The following NEDD4L variants were observed in gnomAD, a reference collection of about 807,000 sequenced individuals.
NEDD4L encodes E3 ubiquitin-protein ligase NEDD4-like.
A neutral mutation model predicts 148.9 loss-of-function variants in NEDD4L; 54 were observed. That is an observed-to-expected ratio of 0.36 (90% confidence interval 0.29 to 0.45). The LOEUF (loss-of-function observed/expected upper bound fraction) is 0.45, where lower values mean the gene tolerates loss of function less well. NEDD4L is among the 20% of genes least tolerant of loss of function. NEDD4L has a pLI of 1.00. For synonymous variants in NEDD4L, 433 were observed against 440.7 expected, an observed-to-expected ratio of 0.98 and a Z score of 0.22; for missense variants, 856 against 1,233.8, an observed-to-expected ratio of 0.69 and a Z score of 4.59.
intron 3 of NEDD4L, among the ~76,000 whole-genome samples, chr18:58,246,491 T>C (rs1017594399): frequency 2.0e-5 from 3 of 152,128 alleles, no homozygotes; most frequent in African/African-American, 7.2e-5. Context: ...TGAGATGGAG[T>C]GTCACTCTGT....
At chr18:58,386,036 CTTGATTGA>C (rs74183251) in intron 26 of NEDD4L, among the ~76,000 whole-genome samples, 16 of 150,502 alleles carry the variant, frequency 1.1e-4, no homozygotes, top group African/African-American at 3.2e-4. Context: ...GCTGCCTGGG[CTTGATTGA>C]TTGATTGATT....
At chr18:58,172,781 C>T (rs542470070) in intron 2 of NEDD4L, among the ~76,000 whole-genome samples, 81 of 152,222 alleles carry the variant, frequency 5.3e-4, no homozygotes, top group South Asian at 4.2e-4. Flanking sequence ...ATCATCAGCC[C>T]GAGATCAAAC....
At chr18:58,123,527 G>A (rs940196960) in intron 1 of NEDD4L, among the ~76,000 whole-genome samples, 10 of 151,956 alleles carry the variant, frequency 6.6e-5, no homozygotes, top group African/African-American at 2.2e-4. Flanking sequence ...GGAGACCCCC[G>A]CCCCGGTTGG....
In NEDD4L at chr18:58,357,145, G is replaced by C. The variant is rs770626640; in HGVS notation, c.1709-49G>C. 10 of 1,503,896 alleles carry C rather than the reference G, an allele frequency of 6.6e-6. No homozygotes were observed. In the African/African-American group the frequency reaches 9.8e-5, roughly 15 times the overall value. The allele number at this position is 1,503,896 out of a possible 1,614,324, so 93.2% of individuals were successfully genotyped here. ...TCCAAAACTTTCTTTACATAGAATA[G>C]ATTTGAACTAATGTTCTGATTTTTT... On this transcript the variant is annotated intron_variant, in intron 18 of 30. Coordinates refer to ENST00000400345, the MANE Select transcript of NEDD4L (RefSeq NM_001144967.3).
chr18:58,215,328 C>A (rs973043898), intron 2 of NEDD4L, among the ~76,000 whole-genome samples: 1 of 152,146 alleles, frequency 6.6e-6, no homozygotes, highest in East Asian at 1.9e-4. Context: ...TTTTCATCTT[C>A]GACATTATGG....
At chr18:58,312,768 C>T (rs2057848418) in intron 5 of NEDD4L, among the ~76,000 whole-genome samples, 1 of 152,232 alleles carries the variant, frequency 6.6e-6, no homozygotes, top group Non-Finnish European at 1.5e-5. Flanking sequence ...GCAACCTCCG[C>T]CTCCCGGGTT....
intron 5 of NEDD4L, chr18:58,255,312 G>GT (rs771686452): frequency 3.4e-4 from 62 of 180,528 alleles, no homozygotes; most frequent in Non-Finnish European, 5.5e-4. Flanking sequence ...GGCTCTTGCT[G>GT]TTTAAAAAAA....
At chr18:58,383,672 A>G (rs1370092354) in intron 25 of NEDD4L, among the ~76,000 whole-genome samples, 1 of 152,256 alleles carries the variant, frequency 6.6e-6, no homozygotes, top group African/African-American at 2.4e-5. Flanking sequence ...AAAATTAGGA[A>G]CCAACAAAGA....
chr18:58,171,388 G>A (rs577337), intron 2 of NEDD4L, among the ~76,000 whole-genome samples: 427 of 8,624 alleles, frequency 0.05, 8 homozygotes, highest in African/African-American at 0.086. Flanking sequence ...AAGGGGACAG[G>A]ACACTGCTGC....
In NEDD4L at chr18:58,366,040, T is replaced by C; in HGVS notation, c.1875T>C (p.Asn625=). 2 of 1,612,848 alleles carry C rather than the reference T, an allele frequency of 1.2e-6. No individual in the cohort carries two copies. Among genetic ancestry groups the C allele is most frequent in the Non-Finnish European group, 1.7e-6 (2 of 1,179,408 alleles). The change falls in exon 21 of 31, where the codon AAT becomes AAC. Residue 625 remains asparagine, a synonymous_variant. Coordinates refer to ENST00000400345, the MANE Select transcript of NEDD4L (RefSeq NM_001144967.3). The surrounding 1 kb of genome is among the most constrained non-coding windows in gnomAD (Gnocchi z 4.2). ...GGTTTGAAATGAAACTTCACAGAAA[T>C]AACATATTTGAAGAGTCCTATCGGA... ...PNRFEMKLHR[N]NIFEESYRRI...
At chr18:58,157,655 G>A (rs570001607) in intron 1 of NEDD4L, among the ~76,000 whole-genome samples, 47 of 152,114 alleles carry the variant, frequency 3.1e-4, no homozygotes, top group African/African-American at 1.1e-3. Context: ...ATGGTATCAG[G>A]TTCCATATTT....
intron 1 of NEDD4L, among the ~76,000 whole-genome samples, chr18:58,146,998 G>A (rs1385196268): frequency 1.3e-5 from 2 of 152,168 alleles, no homozygotes; most frequent in Admixed American, 6.5e-5. Context: ...TCAGGACTCC[G>A]AGCAGAGCTC....
chr18:58,094,146 T>C (rs2084235776), intron 1 of NEDD4L, among the ~76,000 whole-genome samples: 1 of 151,714 alleles, frequency 6.6e-6, no homozygotes, highest in South Asian at 2.1e-4. Flanking sequence ...TTGTGATTTC[T>C]CCTCCTGGGA....
intron 5 of NEDD4L, among the ~76,000 whole-genome samples, chr18:58,299,453 C>A (rs571846016): frequency 1.3e-5 from 2 of 152,284 alleles, no homozygotes; most frequent in East Asian, 3.9e-4. Flanking sequence ...CAGATTGACG[C>A]CTGAAAAGAA....
chr18:58,377,374 T>C (rs1262689422), intron 24 of NEDD4L, among the ~76,000 whole-genome samples: 1 of 152,214 alleles, frequency 6.6e-6, no homozygotes, highest in Non-Finnish European at 1.5e-5. Context: ...GCAGTCAGCC[T>C]TCCACGGTGT....
At chr18:58,259,185 G>T (rs1186345844) in intron 5 of NEDD4L, among the ~76,000 whole-genome samples, 1 of 152,258 alleles carries the variant, frequency 6.6e-6, no homozygotes, top group South Asian at 2.1e-4. Context: ...ATCCTGCCAT[G>T]ACTAAATCTA....
intron 2 of NEDD4L, among the ~76,000 whole-genome samples, chr18:58,167,244 G>A (rs185087501): frequency 7.0e-4 from 106 of 152,310 alleles, no homozygotes; most frequent in African/African-American, 2.4e-3. Flanking sequence ...TTGCTTGACC[G>A]TGAAGTCACA....
intron 2 of NEDD4L, among the ~76,000 whole-genome samples, chr18:58,214,303 A>G (rs540788998): frequency 1.7e-4 from 26 of 152,294 alleles, no homozygotes; most frequent in African/African-American, 6.0e-4. Context: ...TTTCAACCCA[A>G]GCCCATCCCA....
chr18:58,178,176 TG>T (rs2038398949), intron 2 of NEDD4L, among the ~76,000 whole-genome samples: 1 of 152,230 alleles, frequency 6.6e-6, no homozygotes, highest in South Asian at 2.1e-4. Context: ...GGAGTGTCAG[TG>T]TTATTTTGTC....
Sources: gnomAD v4.1 joint callset for allele counts (sites outside exome capture counted in the v4.1 genomes callset) on GRCh38, gnomAD v4.1.1 for gene constraint, Gnocchi (gnomAD v3.1) non-coding constraint, MANE v1.5 for transcripts, NCBI Gene and HGNC (gene_info 2026-07-23, HGNC 2026-07-21) for gene names.